ACER1: variants seen among roughly 807,000 people sequenced by gnomAD.
ACER1 encodes the protein alkaline ceramidase 1, also known as CTB-180A7.3.
Under a neutral mutation model 24.9 loss-of-function variants are expected in ACER1, and 28 were observed. The ratio of observed to expected loss-of-function variants is 1.13; its 90% CI spans 0.83 to 1.54. The LOEUF (loss-of-function observed/expected upper bound fraction) is 1.54, where lower values mean the gene tolerates loss of function less well. ACER1 is among the 40% of genes most tolerant of loss of function. The pLI is 0.00. For missense variants in ACER1, 352 were observed against 349.3 expected, an observed-to-expected ratio of 1.01 and a Z score of -0.06; for synonymous variants, 132 against 131.4, an observed-to-expected ratio of 1.00 and a Z score of -0.03.
chr19:6,339,730 C>T, the ACER1 span, among the ~76,000 whole-genome samples: 5 of 151,966 alleles, frequency 3.3e-5, no homozygotes, highest in South Asian at 2.1e-4. Context: ...TGCAGTGGTG[C>T]GATCTCGGCT....
the ACER1 span, among the ~76,000 whole-genome samples, chr19:6,348,901 C>T: frequency 6.2e-4 from 94 of 151,992 alleles, no homozygotes; most frequent in African/African-American, 2.2e-3. Context: ...ACTAAAAATA[C>T]AAAAATTAGC....
intron 1 of ACER1, among the ~76,000 whole-genome samples, chr19:6,313,143 G>GA (rs1356989028): frequency 6.6e-6 from 1 of 151,938 alleles, no homozygotes; most frequent in Admixed American, 6.6e-5. Flanking sequence ...TTACAGTCAG[G>GA]ATCTTGCTGT....
chr19:6,331,468 A>ATG, intron 1 of ACER1, among the ~76,000 whole-genome samples: 3 of 148,520 alleles, frequency 2.0e-5, no homozygotes, highest in African/African-American at 7.4e-5. Context: ...TCTTCTGCTC[A>ATG]CTGAGCAAGG....
intron 1 of ACER1, among the ~76,000 whole-genome samples, chr19:6,315,683 T>A (rs1202518037): frequency 7.0e-6 from 1 of 143,426 alleles, no homozygotes; most frequent in African/African-American, 2.5e-5. Context: ...CCAGCCTAAT[T>A]TTTGTATTTT....
intron 1 of ACER1, among the ~76,000 whole-genome samples, chr19:6,322,551 C>T (rs892770502): frequency 3.3e-5 from 5 of 152,142 alleles, no homozygotes; most frequent in African/African-American, 1.2e-4. Context: ...TGGGCTGACT[C>T]CTCGGGTGTT....
chr19:6,312,269 T>G lies in ACER1; in HGVS notation c.230A>C (p.His77Pro). ...MIIGLFSMYF[H>P]MTLSFLGQLL... ...CTGGCCCAGGAAGCTGAGCGTCATG[T>G]GGAAATACATGGAGAACAGGCCTGC... The change falls in exon 3 of 6, where the codon CAC (histidine) becomes CCC (proline). Residue 77 changes from histidine to proline, a missense_variant. Transcript: ENST00000301452. 6.2e-7 allele frequency: 1 copy of G among 1,613,924 alleles called. No homozygotes were observed.
intron 1 of ACER1, among the ~76,000 whole-genome samples, chr19:6,324,498 C>T (rs1001497640): frequency 6.6e-6 from 1 of 151,460 alleles, no homozygotes; most frequent in African/African-American, 2.4e-5. Flanking sequence ...TGGCTCATGC[C>T]TGTAATCCCA....
chr19:6,309,981 G>T, intron 3 of ACER1, 147 bp from the exon 4 acceptor site: 2 of 996,602 alleles, frequency 2.0e-6, no homozygotes, highest in Non-Finnish European at 2.9e-6. Context: ...TCCTAGCCAG[G>T]CAGGGCACGG....
At chr19:6,310,586 A>G (rs117239414) in intron 3 of ACER1, among the ~76,000 whole-genome samples, 5,242 of 151,086 alleles carry the variant, frequency 0.035, 148 homozygotes, top group Middle Eastern at 0.059. Context: ...GACAACAAGA[A>G]AAAGGGTCCT....
At chr19:6,347,109 A>AAAAAAAAAAAAAAAAAAAAATATATATAT in the ACER1 span, among the ~76,000 whole-genome samples, 1 of 113,822 alleles carries the variant, frequency 8.8e-6, no homozygotes, top group African/African-American at 5.1e-5. Flanking sequence ...AAAAAAAAAA[A>AAAAAAAAAAAAAAAAAAAAATATATATAT]ATATATATAT....
chr19:6,339,159 G>A, the ACER1 span, among the ~76,000 whole-genome samples: 16 of 152,268 alleles, frequency 1.1e-4, no homozygotes, highest in South Asian at 3.3e-3. Context: ...TTACAGGCAT[G>A]AGCCACCGCA....
At chr19:6,311,470 A>G (rs912194112) in intron 3 of ACER1, among the ~76,000 whole-genome samples, 2 of 152,142 alleles carry the variant, frequency 1.3e-5, no homozygotes, top group Middle Eastern at 3.4e-3. Flanking sequence ...TGAACCCTGA[A>G]GGCAGAGGCT....
Position 6,312,156 on chromosome 19 carries a change from C to A in ACER1, c.343G>T (p.Gly115Trp), listed in dbSNP as rs555312187. Residue 115 changes from glycine (G) to tryptophan (W), a missense_variant, in exon 3 of 6, where the codon GGG (glycine) becomes TGG (tryptophan). Coordinates refer to ENST00000301452, the MANE Select transcript of ACER1 (RefSeq NM_133492.3). ...GGCCAGCCCCTGACCCACCTGTTCCCCCCAAGGAAGGAGGGGAAATAGCAG... is the reference window on the plus strand; with the variant it reads ...GGCCAGCCCCTGACCCACCTGTTCCACCCAAGGAAGGAGGGGAAATAGCAG... The part of the protein sequence containing the change: ...PRCYFPSFLG[G>W]NRSQFIRLVF... 1 of 1,613,664 alleles carries A rather than the reference C, an allele frequency of 6.2e-7. No individual in the cohort carries two copies. The highest frequency in any genetic ancestry group is 1.3e-5 in the African/African-American group (1 of 75,030).
chr19:6,350,187 TC>T, the ACER1 span, among the ~76,000 whole-genome samples: 1 of 147,138 alleles, frequency 6.8e-6, no homozygotes, highest in Non-Finnish European at 1.5e-5. Context: ...GAGGGAAGGG[TC>T]CGGGCGTGGT....
At position 6,330,581 on chromosome 19, in the gene ACER1, G is replaced by T. The variant is rs567719423; in HGVS notation, c.93+2878C>A. Among the ~76,000 whole-genome samples, 24 of 150,124 alleles carry T rather than the reference G, an allele frequency of 1.6e-4. No homozygotes were observed. In the South Asian group the frequency reaches 4.4e-3, roughly 27 times the overall value. On this transcript the variant is annotated intron_variant, in intron 1 of 5. Transcript: ENST00000301452. ...CTGTCTCGACCTTCCAAAGTACTAG[G>T]ATTAAAGGTGAGAGCCACCATACCC... is the stretch of plus-strand genomic sequence containing the variant.
chr19:6,353,175 A>G, the ACER1 span, among the ~76,000 whole-genome samples: 3 of 152,206 alleles, frequency 2.0e-5, no homozygotes, highest in African/African-American at 7.2e-5. Flanking sequence ...TAAAAACAGA[A>G]ACAAAAATTA....
chr19:6,328,261 A>C (rs910687029), intron 1 of ACER1, among the ~76,000 whole-genome samples: 1 of 151,360 alleles, frequency 6.6e-6, no homozygotes, highest in Non-Finnish European at 1.5e-5. Context: ...GAGGCCAAGG[A>C]GGGTGGATCA....
the ACER1 span, among the ~76,000 whole-genome samples, chr19:6,355,864 G>A: frequency 8.9e-5 from 13 of 146,820 alleles, no homozygotes; most frequent in East Asian, 1.9e-3. Flanking sequence ...TCAGCCCCCC[G>A]CCCGGCCAGC....
intron 1 of ACER1, among the ~76,000 whole-genome samples, chr19:6,313,846 C>T (rs377623456): frequency 6.6e-6 from 1 of 152,326 alleles, no homozygotes; most frequent in East Asian, 1.9e-4. Flanking sequence ...AGAAGACTGG[C>T]TACCCTTGAA....
Sources: allele counts gnomAD v4.1 joint callset (sites outside exome capture counted in the v4.1 genomes callset), GRCh38; gene constraint gnomAD v4.1.1; transcripts MANE v1.5; gene names NCBI Gene and HGNC (gene_info 2026-07-23, HGNC 2026-07-21).